Variants in EIF4E observed in about 807,000 individuals in gnomAD.
EIF4E encodes eIF-4F 25 kDa subunit.
For synonymous variants in EIF4E, 71 were observed against 88.5 expected (o/e 0.80, Z 1.11); for missense variants, 113 against 265.6 (o/e 0.43, Z 3.99).
At chr4:98,908,775 T>A (rs1174502062) in intron 1 of EIF4E, among the ~76,000 whole-genome samples, 1 of 152,194 alleles carries the variant, frequency 6.6e-6, no homozygotes, top group Non-Finnish European at 1.5e-5. Context: ...TCAATCTTCA[T>A]AATCCCGTGA....
chr4:98,893,140 T>C (rs1297590123), intron 2 of EIF4E, among the ~76,000 whole-genome samples: 1 of 146,912 alleles, frequency 6.8e-6, no homozygotes, highest in African/African-American at 2.4e-5. Flanking sequence ...TGAAATAGCA[T>C]TACATCTAAA....
intron 1 of EIF4E, among the ~76,000 whole-genome samples, chr4:98,911,198 G>A (rs1196399395): frequency 4.6e-5 from 7 of 151,676 alleles, no homozygotes; most frequent in Non-Finnish European, 1.0e-4. Flanking sequence ...ACAGGCGCCT[G>A]CCACCACGCC....
At chr4:98,892,592 G>GA (rs1432883509) in intron 2 of EIF4E, among the ~76,000 whole-genome samples, 2 of 132,312 alleles carry the variant, frequency 1.5e-5, no homozygotes, top group Non-Finnish European at 3.5e-5. Flanking sequence ...TGAAGCACGA[G>GA]AATCACTTGA....
chr4:98,909,166 G>C (rs914191253), intron 1 of EIF4E, among the ~76,000 whole-genome samples: 1 of 151,926 alleles, frequency 6.6e-6, no homozygotes, highest in African/African-American at 2.4e-5. Flanking sequence ...CCACTACCAG[G>C]AAAAAAAGCA....
At chr4:98,884,628 C>T (rs969876375) in intron 6 of EIF4E, among the ~76,000 whole-genome samples, 2 of 152,006 alleles carry the variant, frequency 1.3e-5, no homozygotes, top group Non-Finnish European at 2.9e-5. Flanking sequence ...CTCCTGAACC[C>T]GGGAGGCGGA....
chr4:98,904,261 A>G (rs1446607275), intron 1 of EIF4E, among the ~76,000 whole-genome samples: 1 of 152,198 alleles, frequency 6.6e-6, no homozygotes, highest in Non-Finnish European at 1.5e-5. Context: ...GGAGTTCGAA[A>G]ACAGCCTCAG....
chr4:98,918,276 T>C (rs1169208843), intron 1 of EIF4E, among the ~76,000 whole-genome samples: 1 of 150,492 alleles, frequency 6.6e-6, no homozygotes, highest in Non-Finnish European at 1.5e-5. Context: ...GGCAGGAGAA[T>C]TGCTTGAACC....
Position 98,880,530 on chromosome 4 carries a change from AG to A in EIF4E, c.*497del, listed in dbSNP as rs1274465373. ...GGAAACAAATAAATTAAAATCTAGC[AG>A]CCATCAGCAAGAGTACAGCAAAGAC... is the stretch of plus-strand genomic sequence containing the variant. On this transcript the variant is annotated 3_prime_UTR_variant, in exon 7 of 7. Coordinates refer to ENST00000450253, the MANE Select transcript of EIF4E (RefSeq NM_001968.5). 5 of 102,008 alleles carry A rather than the reference AG, an allele frequency of 4.9e-5. No homozygotes were observed. The highest frequency in any genetic ancestry group is 9.7e-5 in the Non-Finnish European group (5 of 51,654). The allele number at this position is 102,008 out of a possible 1,614,324, so 6.3% of individuals were successfully genotyped here.
At chr4:98,893,221 G>A (rs1270384200) in intron 2 of EIF4E, among the ~76,000 whole-genome samples, 2 of 152,216 alleles carry the variant, frequency 1.3e-5, no homozygotes, top group Non-Finnish European at 2.9e-5. Flanking sequence ...CCTACAAAGA[G>A]TGGTAATCTT....
chr4:98,895,923 C>A (rs560462487), intron 2 of EIF4E, among the ~76,000 whole-genome samples: 1 of 152,116 alleles, frequency 6.6e-6, no homozygotes, highest in Non-Finnish European at 1.5e-5. Flanking sequence ...ATGGGCTGGG[C>A]GCAGTGGCTC....
chr4:98,897,670 T>C (rs72893547), intron 2 of EIF4E, among the ~76,000 whole-genome samples: 10,266 of 152,192 alleles, frequency 0.067, 1,130 homozygotes, highest in African/African-American at 0.23. Flanking sequence ...AAAAACCACT[T>C]CCACTACTGT....
chr4:98,911,875 TAGG>T (rs1725158839), intron 1 of EIF4E, among the ~76,000 whole-genome samples: 1 of 150,626 alleles, frequency 6.6e-6, no homozygotes, highest in Non-Finnish European at 1.5e-5. Context: ...ATGTGTGATC[TAGG>T]ATGACAAGGC....
chr4:98,912,441 T>C (rs1218424344), intron 1 of EIF4E, among the ~76,000 whole-genome samples: 2 of 151,714 alleles, frequency 1.3e-5, no homozygotes, highest in Non-Finnish European at 2.9e-5. Context: ...CTGGGCGTGG[T>C]GGTGCATGCC....
intron 2 of EIF4E, among the ~76,000 whole-genome samples, chr4:98,897,129 A>G (rs1724442738): frequency 6.6e-6 from 1 of 152,174 alleles, no homozygotes. Flanking sequence ...TTCAGTATTC[A>G]CATTTGCACT....
intron 1 of EIF4E, among the ~76,000 whole-genome samples, chr4:98,910,854 C>G (rs764911786): frequency 6.7e-6 from 1 of 150,076 alleles, no homozygotes; most frequent in East Asian, 2.0e-4. Context: ...CTCAGCTTCA[C>G]GAGTAGCTGG....
At position 98,887,064 on chromosome 4, in the gene EIF4E, C is replaced by T; in HGVS notation, c.399+15G>A. 6.2e-7 allele frequency: 1 copy of T among 1,611,358 alleles called. No homozygotes were observed. The highest frequency in any genetic ancestry group is 8.5e-7 in the Non-Finnish European group (1 of 1,178,914). ...AAACTACCTCTAAAACTGCTTTATA[C>T]TTTTAAAACCTTACTGTCTCTAGCC... On this transcript the variant is annotated intron_variant, in intron 5 of 6. Transcript: ENST00000450253. The surrounding 1 kb of genome is among the most constrained non-coding windows in gnomAD (Gnocchi z 4.0).
intron 1 of EIF4E, among the ~76,000 whole-genome samples, chr4:98,908,900 TCTAC>T (rs1724993151): frequency 6.6e-6 from 1 of 152,222 alleles, no homozygotes; most frequent in Non-Finnish European, 1.5e-5. Flanking sequence ...ATGTCCTAGT[TCTAC>T]CTGTTTGTTG....
At chr4:98,928,470 AAC>A (rs1426202320) in intron 1 of EIF4E, among the ~76,000 whole-genome samples, 1 of 152,036 alleles carries the variant, frequency 6.6e-6, no homozygotes, top group Non-Finnish European at 1.5e-5. Context: ...GCGCTGGATT[AAC>A]AGACGCTCGC....
intron 1 of EIF4E, among the ~76,000 whole-genome samples, chr4:98,923,402 A>ACCTCCCAGGCTCAGGGGAT (rs1361878536): frequency 6.6e-6 from 1 of 151,332 alleles, no homozygotes; most frequent in Admixed American, 6.6e-5. Context: ...TGCAGCTCTG[A>ACCTCCCAGGCTCAGGGGAT]CCTCCCAGGC....
Sources: gnomAD v4.1 joint callset for allele counts (sites outside exome capture counted in the v4.1 genomes callset) on GRCh38, gnomAD v4.1.1 for gene constraint, Gnocchi (gnomAD v3.1) non-coding constraint, MANE v1.5 for transcripts, NCBI Gene and HGNC (gene_info 2026-07-23, HGNC 2026-07-21) for gene names.